Variants in LRRC4C observed in about 807,000 individuals in gnomAD.
The protein encoded by LRRC4C is leucine rich repeat containing 4C.
A neutral mutation model predicts 33.6 loss-of-function variants in LRRC4C; 5 were observed. The ratio of observed to expected loss-of-function variants is 0.15; its 90% CI spans 0.08 to 0.31. The LOEUF is 0.31. LRRC4C is among the 10% of genes least tolerant of loss of function. LRRC4C has a pLI of 1.00. For missense variants in LRRC4C, 560 were observed against 796.7 expected, an observed-to-expected ratio of 0.70 and a Z score of 3.58; for synonymous variants, 329 against 302.0, an observed-to-expected ratio of 1.09 and a Z score of -0.93.
chr11:40,938,715 A>C (rs1958014939), intron 1 of LRRC4C, among the ~76,000 whole-genome samples: 1 of 152,028 alleles, frequency 6.6e-6, no homozygotes, highest in South Asian at 2.1e-4. Context: ...TTGATCTGAC[A>C]CTCTACCATT....
chr11:40,477,228 T>C (rs1251984069), intron 3 of LRRC4C, among the ~76,000 whole-genome samples: 3 of 152,196 alleles, frequency 2.0e-5, no homozygotes, highest in Non-Finnish European at 4.4e-5. Flanking sequence ...TTATAAATGA[T>C]ATCCTTTTAA....
chr11:40,513,328 T>G (rs904977943), intron 3 of LRRC4C, among the ~76,000 whole-genome samples: 1 of 151,622 alleles, frequency 6.6e-6, no homozygotes, highest in African/African-American at 2.4e-5. Flanking sequence ...ACTTTTTATA[T>G]TAGTCAAGGA....
chr11:40,234,183 T>G (rs914431627), intron 5 of LRRC4C, among the ~76,000 whole-genome samples: 1 of 151,858 alleles, frequency 6.6e-6, no homozygotes, highest in African/African-American at 2.4e-5. Context: ...TTAACCAAAG[T>G]TTTTTTTGTC....
rs547127101 is a variant in LRRC4C at position 40,905,205 on chromosome 11, T to C, written c.-407+28430A>G. 1.8e-3 allele frequency among the ~76,000 whole-genome samples: 276 copies of C among 152,288 alleles called. 1 individual carries two copies. The highest frequency in any genetic ancestry group is 2.9e-3 in the Non-Finnish European group (196 of 68,030). On this transcript the variant is annotated intron_variant, in intron 2 of 6. Coordinates refer to ENST00000528697, the MANE Select transcript of LRRC4C (RefSeq NM_001258419.2). ...CTTGATTGTACCATATCTGATGAAG[T>C]GTAGCCTCATTTCCTACTTAATTTC...
chr11:40,350,592 T>A (rs1947338428), intron 3 of LRRC4C, among the ~76,000 whole-genome samples: 1 of 152,124 alleles, frequency 6.6e-6, no homozygotes, highest in Non-Finnish European at 1.5e-5. Flanking sequence ...TGTGTTTCCA[T>A]ATAAATTTTA....
At chr11:40,509,556 G>T (rs1251213644) in intron 3 of LRRC4C, among the ~76,000 whole-genome samples, 1 of 151,126 alleles carries the variant, frequency 6.6e-6, no homozygotes, top group Non-Finnish European at 1.5e-5. Flanking sequence ...ATTTTCACTT[G>T]TCATGGAACA....
chr11:40,299,969 T>C (rs929383082), intron 4 of LRRC4C, among the ~76,000 whole-genome samples: 16 of 152,138 alleles, frequency 1.1e-4, no homozygotes, highest in African/African-American at 3.9e-4. Flanking sequence ...ACTGGGTAAT[T>C]GATAAGAAAA....
At chr11:41,258,384 A>T (rs555770814) in intron 1 of LRRC4C, among the ~76,000 whole-genome samples, 10 of 152,040 alleles carry the variant, frequency 6.6e-5, no homozygotes, top group African/African-American at 2.4e-4. Flanking sequence ...CATACCACCT[A>T]CCCTTCTCTC....
At chr11:40,945,174 C>G (rs369576969) in intron 1 of LRRC4C, among the ~76,000 whole-genome samples, 12 of 151,668 alleles carry the variant, frequency 7.9e-5, no homozygotes, top group African/African-American at 2.9e-4. Flanking sequence ...GGACTACAGG[C>G]GCCCACCACC....
chr11:40,815,000 A>G (rs1951648549), intron 2 of LRRC4C, among the ~76,000 whole-genome samples: 1 of 152,122 alleles, frequency 6.6e-6, no homozygotes, highest in African/African-American at 2.4e-5. Context: ...ACCCAGTTCC[A>G]AAGTCGCTTC....
chr11:40,254,165 A>C (rs1055992166), intron 4 of LRRC4C, among the ~76,000 whole-genome samples: 1 of 152,242 alleles, frequency 6.6e-6, no homozygotes, highest in East Asian at 1.9e-4. Flanking sequence ...AATGCCAATA[A>C]AGCTCCAAAC....
intron 4 of LRRC4C, among the ~76,000 whole-genome samples, chr11:40,276,764 G>T (rs1320879286): frequency 1.3e-5 from 2 of 150,584 alleles, no homozygotes; most frequent in Non-Finnish European, 3.0e-5. Flanking sequence ...CATAGATTCT[G>T]CAATCATGCT....
At chr11:41,152,492 G>C (rs1944042970) in intron 1 of LRRC4C, among the ~76,000 whole-genome samples, 2 of 152,100 alleles carry the variant, frequency 1.3e-5, no homozygotes, top group African/African-American at 4.8e-5. Flanking sequence ...TGAATCAGTG[G>C]GAGGCATTAG....
chr11:40,981,498 T>A (rs1449070948), intron 1 of LRRC4C, among the ~76,000 whole-genome samples: 1 of 152,186 alleles, frequency 6.6e-6, no homozygotes, highest in Non-Finnish European at 1.5e-5. Flanking sequence ...TACAGCCTAC[T>A]ACACTAGAGC....
chr11:40,871,193 G>A (rs928977652), intron 2 of LRRC4C, among the ~76,000 whole-genome samples: 2 of 152,110 alleles, frequency 1.3e-5, no homozygotes, highest in African/African-American at 4.8e-5. Context: ...AACTTCATTA[G>A]CAATTTTAAT....
chr11:40,526,921 G>A (rs1325505552), intron 3 of LRRC4C, among the ~76,000 whole-genome samples: 5 of 152,140 alleles, frequency 3.3e-5, no homozygotes. Context: ...GAATAGAACA[G>A]AAGAGTGAAT....
intron 5 of LRRC4C, among the ~76,000 whole-genome samples, chr11:40,207,161 A>G (rs1863221614): frequency 1.3e-5 from 2 of 152,174 alleles, no homozygotes; most frequent in Non-Finnish European, 2.9e-5. Flanking sequence ...ATTGTAGCTG[A>G]AATGGCATTT....
At chr11:41,030,799 C>T (rs528638479) in intron 1 of LRRC4C, among the ~76,000 whole-genome samples, 5 of 151,728 alleles carry the variant, frequency 3.3e-5, no homozygotes, top group Non-Finnish European at 7.4e-5. Flanking sequence ...CACTGTTATA[C>T]ACACACATAC....
intron 1 of LRRC4C, among the ~76,000 whole-genome samples, chr11:41,224,294 C>T (rs1187911912): frequency 6.6e-6 from 1 of 152,150 alleles, no homozygotes. Context: ...TATTTCATTG[C>T]CAATAAGAGA....
Sources: allele counts gnomAD v4.1 joint callset (sites outside exome capture counted in the v4.1 genomes callset), GRCh38; gene constraint gnomAD v4.1.1; transcripts MANE v1.5; gene names NCBI Gene and HGNC (gene_info 2026-07-23, HGNC 2026-07-21).